The following IKBKB variants were observed in gnomAD, a reference collection of about 807,000 sequenced individuals.
IKBKB encodes inhibitor of nuclear factor kappa-B kinase subunit beta.
A neutral mutation model predicts 113.6 loss-of-function variants in IKBKB; 42 were observed. The ratio of observed to expected loss-of-function variants is 0.37; its 90% CI spans 0.29 to 0.48. The LOEUF is 0.48. Among genes scored for constraint, IKBKB ranks in the 20% least tolerant of loss-of-function variants. The pLI, the probability that IKBKB is intolerant of heterozygous loss-of-function variation, is 0.99. For synonymous variants in IKBKB, 296 were observed against 361.3 expected, an observed-to-expected ratio of 0.82 and a Z score of 2.05; for missense variants, 673 against 939.7, an observed-to-expected ratio of 0.72 and a Z score of 3.71.
intron 3 of IKBKB, among the ~76,000 whole-genome samples, chr8:42,289,612 G>T (rs1481964103): frequency 2.0e-5 from 3 of 152,098 alleles, no homozygotes; most frequent in Non-Finnish European, 4.4e-5. Flanking sequence ...CCAAGCAGGG[G>T]CTCCTCTGCC....
At chr8:42,325,901 A>G in intron 19 of IKBKB, 69 bp from the exon 20 acceptor site, 3 of 1,596,780 alleles carry the variant, frequency 1.9e-6, no homozygotes, top group Non-Finnish European at 2.6e-6. Flanking sequence ...TCCTAAGAAA[A>G]TACTGTGGCG....
intron 19 of IKBKB, 118 bp from the exon 20 acceptor site, chr8:42,325,852 G>A (rs1820640578): frequency 6.5e-7 from 1 of 1,533,276 alleles, no homozygotes; most frequent in African/African-American, 1.4e-5. Context: ...CTGGTAGGCT[G>A]TAGGGTTAGC....
In IKBKB at chr8:42,327,330, C is replaced by CTTT. The variant is rs397767670; in HGVS notation, c.2114+1252_2114+1254dup. Among the ~76,000 whole-genome samples the CTTT allele has an allele frequency of 6.1e-3, 638 of 105,176 alleles. 6 individuals carry two copies. The highest frequency in any genetic ancestry group is 8.4e-3 in the Non-Finnish European group (456 of 54,448). The allele number at this position is 105,176 out of a possible 152,430, so 69.0% of individuals were successfully genotyped here. The stretch of plus-strand genomic sequence containing the variant: ...ATGGTGAGACTGTCTCTCTCTCTCT[C>CTTT]TTTTTTTTTTTTTTTTTTTTTGAGA... On this transcript the variant is annotated intron_variant, in intron 20 of 21. Transcript: ENST00000520810.
At chr8:42,310,545 G>T (rs1817517946) in intron 8 of IKBKB, among the ~76,000 whole-genome samples, 1 of 152,144 alleles carries the variant, frequency 6.6e-6, no homozygotes, top group Admixed American at 6.5e-5. Context: ...CACACCATGA[G>T]AATTTCTTTT....
chr8:42,316,650 A>C lies in IKBKB; in HGVS notation c.931-60A>C. The C allele has an allele frequency of 6.7e-7, 1 of 1,498,924 alleles. No individual in the cohort carries two copies. The highest frequency in any genetic ancestry group is 9.1e-7 in the Non-Finnish European group (1 of 1,100,446). 92.9% of individuals were successfully genotyped at this position (1,498,924 alleles called of 1,614,324 possible). A position where few individuals can be genotyped will look rare whatever the true frequency, so the allele number is the denominator to read the frequency against. Reference sequence around the variant, plus strand: ...GAGTAGCAGAGAGAGGACCTAGGCAAATAGATGGGCATTTCCTTGAAGAAA... The same window carrying C: ...GAGTAGCAGAGAGAGGACCTAGGCACATAGATGGGCATTTCCTTGAAGAAA... On this transcript the variant is annotated intron_variant, in intron 10 of 21. Transcript: ENST00000520810. The surrounding 1 kb of genome is among the most constrained non-coding windows in gnomAD (Gnocchi z 4.5).
intron 2 of IKBKB, among the ~76,000 whole-genome samples, chr8:42,283,031 G>T (rs5029748): frequency 0.22 from 34,221 of 152,150 alleles, 5,196 homozygotes; most frequent in East Asian, 0.54. Flanking sequence ...GACTTGTTCA[G>T]TGTTCACATT....
At position 42,314,504 on chromosome 8, in the gene IKBKB, G is replaced by C. The variant is rs919736608; in HGVS notation, c.800+75G>C. On this transcript the variant is annotated intron_variant, in intron 9 of 21. Transcript: ENST00000520810. ...GAAATACAAGTCTTGGCTGGCCGTG[G>C]TGGCTCACACCTGTAATCCTAACAG... 6.3e-6 allele frequency: 6 copies of C among 948,888 alleles called. No homozygotes were observed. The African/African-American group carries it at 8.0e-5, about 13-fold the overall frequency. 58.8% of individuals were successfully genotyped at this position (948,888 alleles called of 1,614,324 possible).
chr8:42,279,522 C>T (rs1809898190), intron 2 of IKBKB, among the ~76,000 whole-genome samples: 1 of 152,194 alleles, frequency 6.6e-6, no homozygotes, highest in African/African-American at 2.4e-5. Flanking sequence ...ACCTGCTATG[C>T]GCCAGCATCA....
intron 4 of IKBKB, among the ~76,000 whole-genome samples, chr8:42,291,243 G>A (rs557743777): frequency 6.6e-6 from 1 of 152,090 alleles, no homozygotes; most frequent in African/African-American, 2.4e-5. Context: ...GTGCAGTGGC[G>A]TGATCTCGGC....
chr8:42,325,812 C>T (rs923257132), intron 19 of IKBKB, 158 bp from the exon 20 acceptor site: 1 of 1,478,834 alleles, frequency 6.8e-7, no homozygotes, highest in Non-Finnish European at 8.9e-7. Context: ...AGATGTGAAG[C>T]ACCAGTTGAC....
At chr8:42,274,980 G>T (rs528155594) in intron 2 of IKBKB, among the ~76,000 whole-genome samples, 1 of 151,824 alleles carries the variant, frequency 6.6e-6, no homozygotes, top group Non-Finnish European at 1.5e-5. Flanking sequence ...AGGTTCAAGC[G>T]ATTCTCCAGC....
rs754688355 is a variant in IKBKB, at chr8:42,316,378, G to A, written c.930+39G>A. 2 of 1,612,820 alleles carry A rather than the reference G, an allele frequency of 1.2e-6. No individual in the cohort carries two copies. The highest frequency in any genetic ancestry group is 2.2e-5 in the East Asian group (1 of 44,860). ...CAAGTTAGCCCTGAGGCAAAAGCTG[G>A]GGTCCCCAGTGGAACATGCAGTTCT... On this transcript the variant is annotated intron_variant, in intron 10 of 21. Transcript: ENST00000520810. The surrounding 1 kb of genome is among the most constrained non-coding windows in gnomAD (Gnocchi z 4.5).
intron 2 of IKBKB, among the ~76,000 whole-genome samples, chr8:42,285,039 A>G (rs1216292519): frequency 6.6e-6 from 1 of 151,796 alleles, no homozygotes; most frequent in Non-Finnish European, 1.5e-5. Flanking sequence ...TATTTTTAGT[A>G]GAGATGGGGT....
At chr8:42,309,269 A>G (rs1360086485) in intron 8 of IKBKB, among the ~76,000 whole-genome samples, 1 of 152,194 alleles carries the variant, frequency 6.6e-6, no homozygotes, top group Non-Finnish European at 1.5e-5. Context: ...TTTAAATACA[A>G]TGCTGTGTCA....
rs1585759230 is a variant in IKBKB at position 42,316,291 on chromosome 8, T to C, written c.882T>C (p.Tyr294=). 6.2e-7 allele frequency: 1 copy of C among 1,614,142 alleles called. No homozygotes were observed. Among genetic ancestry groups the C allele is most frequent in the African/African-American group, 1.3e-5 (1 of 75,018 alleles). The change falls in exon 10 of 22, where the codon TAT becomes TAC. Residue 294 remains tyrosine (Y), a synonymous_variant. Coordinates refer to ENST00000520810, the MANE Select transcript of IKBKB (RefSeq NM_001556.3). The surrounding 1 kb of genome is among the most constrained non-coding windows in gnomAD (Gnocchi z 4.5). The part of the protein sequence containing the change: ...HPRQRGTDPT[Y]GPNGCFKALD... ...GACAGAGGGGCACGGATCCCACGTA[T>C]GGGCCCAATGGCTGCTTCAAGGCCC...
chr8:42,271,708 A>G (rs531950214), intron 1 of IKBKB: 1 of 512,114 alleles, frequency 2.0e-6, no homozygotes, highest in East Asian at 3.5e-5. Context: ...TTGTAAAGAA[A>G]CACGTGACCT....
rs543101188 is a variant in IKBKB at position 42,272,339 on chromosome 8, G to A, written c.105+134G>A. The A allele has an allele frequency of 3.4e-5, 41 of 1,195,134 alleles. No homozygotes were observed. In the African/African-American group the frequency reaches 5.9e-4, roughly 17 times the overall value. 74.0% of individuals were successfully genotyped at this position (1,195,134 alleles called of 1,614,324 possible). A position where few individuals can be genotyped will look rare whatever the true frequency, so the allele number is the denominator to read the frequency against. On this transcript the variant is annotated intron_variant, in intron 2 of 21. Transcript: ENST00000520810. Reference sequence around the variant, plus strand: ...TCTTGGGACAGTGAATAGGGGGACTGGGAAGAGGGCTTCAGGACTTCTGAG... The same window carrying A: ...TCTTGGGACAGTGAATAGGGGGACTAGGAAGAGGGCTTCAGGACTTCTGAG...
At chr8:42,321,583 A>G (rs775840675) in intron 16 of IKBKB, 30 of 279,200 alleles carry the variant, frequency 1.1e-4, no homozygotes, top group Non-Finnish European at 1.9e-4. Context: ...GTGCAGTGGC[A>G]CAATCATAGC....
rs778115250 is a variant in IKBKB at position 42,331,028 on chromosome 8, G to C, written c.*49G>C. The C allele has an allele frequency of 1.9e-6, 3 of 1,599,126 alleles. No homozygotes were observed. In the South Asian group the frequency reaches 3.3e-5, roughly 18 times the overall value. ...CATGGGGCAGCCCATAGCAGGCCTT[G>C]TGCAGTGGGGGGACTCGACCCCCTG... On this transcript the variant is annotated 3_prime_UTR_variant, in exon 22 of 22. Coordinates refer to ENST00000520810, the MANE Select transcript of IKBKB (RefSeq NM_001556.3).
Sources: gnomAD v4.1 joint callset for allele counts (sites outside exome capture counted in the v4.1 genomes callset) on GRCh38, gnomAD v4.1.1 for gene constraint, Gnocchi (gnomAD v3.1) non-coding constraint, MANE v1.5 for transcripts, NCBI Gene and HGNC (gene_info 2026-07-23, HGNC 2026-07-21) for gene names.